Variants in STK3 observed in about 807,000 individuals in gnomAD.
STK3 encodes serine/threonine kinase 3.
In STK3, 41 loss-of-function variants were observed where a neutral mutation model predicts 58.0. That is an observed-to-expected ratio of 0.71 (90% CI 0.55 to 0.92). The LOEUF is 0.92. STK3 is among the 40% of genes least tolerant of loss of function. The probability of loss-of-function intolerance (pLI) is 0.00; values close to 1 mark genes in which losing one functional copy is unlikely to be tolerated. For missense variants in STK3, 479 were observed against 602.7 expected (o/e 0.79, Z 2.15); for synonymous variants, 170 against 191.0 (o/e 0.89, Z 0.91).
At chr8:98,848,257 T>G (rs1309021127) in intron 3 of STK3, among the ~76,000 whole-genome samples, 1 of 152,010 alleles carries the variant, frequency 6.6e-6, no homozygotes, top group Non-Finnish European at 1.5e-5. Flanking sequence ...TTTTTCTTTT[T>G]TTTTTTTGAG....
At chr8:98,403,384 T>C (rs1817963288) in intron 3 of STK3, among the ~76,000 whole-genome samples, 1 of 152,172 alleles carries the variant, frequency 6.6e-6, no homozygotes, top group Admixed American at 6.5e-5. Flanking sequence ...GCTGGTGTTT[T>C]AATTGGGAGG....
At chr8:98,712,505 G>T (rs6468641) in intron 4 of STK3, among the ~76,000 whole-genome samples, 80,930 of 148,420 alleles carry the variant, frequency 0.55, 23,782 homozygotes, top group African/African-American at 0.78. Flanking sequence ...TAAAACAGAC[G>T]TTAAACCAAC....
intron 6 of STK3, chr8:98,651,601 T>A (rs566139571): frequency 5.9e-5 from 9 of 152,576 alleles, no homozygotes; most frequent in African/African-American, 1.7e-4. Context: ...CAAAAAAATT[T>A]AGACGAATGT....
chr8:98,697,189 G>A (rs1164669758), intron 6 of STK3, among the ~76,000 whole-genome samples: 1 of 152,100 alleles, frequency 6.6e-6, no homozygotes, highest in Admixed American at 6.5e-5. Flanking sequence ...TATTTCTGTG[G>A]GATTGGTGGT....
chr8:98,444,943 T>C (rs985252149), intron 1 of STK3, among the ~76,000 whole-genome samples: 2 of 152,180 alleles, frequency 1.3e-5, no homozygotes, highest in African/African-American at 4.8e-5. Context: ...ATGGCATGCT[T>C]CCCTATGGGT....
At chr8:98,416,613 T>G (rs566487295) in intron 3 of STK3, among the ~76,000 whole-genome samples, 2 of 152,270 alleles carry the variant, frequency 1.3e-5, no homozygotes, top group South Asian at 4.1e-4. Context: ...CCACCCCTCC[T>G]CTTTCCAAGT....
chr8:98,649,042 G>A (rs1368715202), intron 6 of STK3, among the ~76,000 whole-genome samples: 1 of 148,756 alleles, frequency 6.7e-6, no homozygotes, highest in East Asian at 2.0e-4. Context: ...GGCAACAAGA[G>A]CAAGACTCTG....
upstream of STK3, among the ~76,000 whole-genome samples, chr8:98,389,949 A>G (rs1396463563): frequency 1.3e-5 from 2 of 152,006 alleles, no homozygotes; most frequent in Non-Finnish European, 2.9e-5. Flanking sequence ...GTGATTTGAC[A>G]TGATCTCACT....
At chr8:98,372,386 G>A (rs560693093) in intron 2 of STK3, among the ~76,000 whole-genome samples, 41 of 152,254 alleles carry the variant, frequency 2.7e-4, no homozygotes, top group South Asian at 1.5e-3. Context: ...GGGGAGGCCC[G>A]CAGACTCCAA....
At chr8:98,908,089 A>G (rs1050397679) in intron 1 of STK3, among the ~76,000 whole-genome samples, 3 of 152,186 alleles carry the variant, frequency 2.0e-5, no homozygotes, top group African/African-American at 7.2e-5. Context: ...CACTTTCATC[A>G]AGAGGCTAAT....
At chr8:98,370,198 C>T (rs1586539398), downstream of STK3, among the ~76,000 whole-genome samples, 2 of 151,588 alleles carry the variant, frequency 1.3e-5, no homozygotes. Flanking sequence ...AACCCTGGGC[C>T]TCCCAGGTCT....
intron 1 of STK3, among the ~76,000 whole-genome samples, chr8:98,926,812 G>A (rs946496394): frequency 6.6e-6 from 1 of 152,204 alleles, no homozygotes; most frequent in Non-Finnish European, 1.5e-5. Context: ...GATAGCTATG[G>A]CATGGTATGT....
intron 6 of STK3, among the ~76,000 whole-genome samples, chr8:98,599,705 C>T (rs536320285): frequency 1.3e-5 from 2 of 152,296 alleles, no homozygotes; most frequent in Admixed American, 1.3e-4. Context: ...GGTGCAGTGA[C>T]TCATGCCTGT....
chr8:98,390,744 G>GT (rs370954014), upstream of STK3, among the ~76,000 whole-genome samples: 3 of 151,692 alleles, frequency 2.0e-5, no homozygotes, highest in South Asian at 6.2e-4. Context: ...TTTTTTCTCT[G>GT]TTTTTTAGAT....
chr8:98,725,494 T>C (rs546626073), intron 4 of STK3, among the ~76,000 whole-genome samples: 60 of 152,318 alleles, frequency 3.9e-4, no homozygotes, highest in African/African-American at 1.4e-3. Context: ...CAGATAATTA[T>C]GCAACGCAAT....
intron 2 of STK3, chr8:98,436,858 A>G (rs1455529967): frequency 6.6e-6 from 1 of 152,190 alleles, no homozygotes; most frequent in Non-Finnish European, 1.5e-5. Flanking sequence ...CCCTTGCAGT[A>G]GTGCCTCTGT....
intron 1 of STK3, among the ~76,000 whole-genome samples, chr8:98,794,337 C>T (rs927498760): frequency 2.0e-5 from 3 of 152,012 alleles, no homozygotes; most frequent in African/African-American, 7.2e-5. Flanking sequence ...ACAAAGGTGA[C>T]AAGCAACCAA....
chr8:98,466,904 C>CT (rs1254745473), intron 10 of STK3, among the ~76,000 whole-genome samples: 2 of 152,168 alleles, frequency 1.3e-5, no homozygotes, highest in Non-Finnish European at 2.9e-5. Flanking sequence ...TCTCCAGGGA[C>CT]TAGTGGGACC....
chr8:98,798,065 T>C (rs1390238140), intron 1 of STK3, among the ~76,000 whole-genome samples: 1 of 152,202 alleles, frequency 6.6e-6, no homozygotes, highest in Admixed American at 6.5e-5. Context: ...GACTTCACCT[T>C]CATGGCTAAG....
Sources: gnomAD v4.1 joint callset for allele counts (sites outside exome capture counted in the v4.1 genomes callset) on GRCh38, gnomAD v4.1.1 for gene constraint, MANE v1.5 for transcripts, NCBI Gene and HGNC (gene_info 2026-07-23, HGNC 2026-07-21) for gene names.